The following VWA8 variants were observed in gnomAD, a reference collection of about 807,000 sequenced individuals.
The protein encoded by VWA8 is von Willebrand factor A domain containing 8.
Under a neutral mutation model 241.5 loss-of-function variants are expected in VWA8, and 221 were observed. The observed-to-expected ratio is 0.91, with a 90% CI of 0.82 to 1.02. The LOEUF (loss-of-function observed/expected upper bound fraction) is 1.02. Among genes scored for constraint, VWA8 ranks in the 50% least tolerant of loss-of-function variants. The probability of loss-of-function intolerance (pLI) is 0.00; values close to 1 mark genes in which losing one functional copy is unlikely to be tolerated. For missense variants in VWA8, 2,322 were observed against 2,328.7 expected (o/e 1.00, Z 0.06); for synonymous variants, 852 against 827.1 (o/e 1.03, Z -0.52).
intron 35 of VWA8, among the ~76,000 whole-genome samples, chr13:41,679,801 A>C (rs2137806883): frequency 6.6e-6 from 1 of 152,290 alleles, no homozygotes; most frequent in East Asian, 1.9e-4. Context: ...ACATAGAATT[A>C]AGTATCAAAA....
intron 20 of VWA8, among the ~76,000 whole-genome samples, chr13:41,764,171 A>G (rs1334680375): frequency 6.6e-6 from 1 of 152,200 alleles, no homozygotes. Flanking sequence ...CAGCTGCTCA[A>G]TAAAAGAATG....
In VWA8 at chr13:41,691,986, G is replaced by A. The variant is rs761136345; in HGVS notation, c.3676-48C>T. On this transcript the variant is annotated intron_variant, in intron 30 of 44. Transcript: ENST00000379310. Reference sequence around the variant, plus strand: ...ATTCATATTAAATGTGTCAGATACAGTCATGTCCCTCTTTAGCTACTTCCC... The same window carrying A: ...ATTCATATTAAATGTGTCAGATACAATCATGTCCCTCTTTAGCTACTTCCC... 15 of 1,273,724 alleles carry A rather than the reference G, an allele frequency of 1.2e-5. No individual in the cohort carries two copies. In the African/African-American group the frequency reaches 2.2e-4, roughly 19 times the overall value. The allele number at this position is 1,273,724 out of a possible 1,614,324, so 78.9% of individuals were successfully genotyped here. A position where few individuals can be genotyped will look rare whatever the true frequency, so the allele number is the denominator to read the frequency against.
chr13:41,816,709 G>A lies in VWA8; in HGVS notation c.1936C>T (p.Gln646Ter), dbSNP rs1343601617. 2 of 1,613,490 alleles carry A rather than the reference G, an allele frequency of 1.2e-6. No individual in the cohort carries two copies. Among genetic ancestry groups the A allele is most frequent in the Non-Finnish European group, 1.7e-6 (2 of 1,179,656 alleles). ...AAGCCTAGACTTACCGTTGGATCCT[G>A]TGTTTCTCTGAGTTTGTGTGTAAAT... ...LSFTHKLRETQDPTAQSLAAS... is the reference protein window; with the variant it reads ...LSFTHKLRET The change falls in exon 16 of 45, where the codon CAG becomes TAG. Residue 646 changes from glutamine (Q) to a stop codon, truncating the protein, a stop_gained. Coordinates refer to ENST00000379310, the MANE Select transcript of VWA8 (RefSeq NM_015058.2). LOFTEE classifies it high-confidence loss of function.
At chr13:41,760,147 C>T (rs2045729187) in intron 21 of VWA8, among the ~76,000 whole-genome samples, 1 of 151,756 alleles carries the variant, frequency 6.6e-6, no homozygotes, top group South Asian at 2.1e-4. Flanking sequence ...AGTTGTTCAG[C>T]TCAAAGATCC....
chr13:41,749,052 A>G (rs1444860929), intron 21 of VWA8, among the ~76,000 whole-genome samples: 1 of 152,222 alleles, frequency 6.6e-6, no homozygotes, highest in Non-Finnish European at 1.5e-5. Context: ...AAAAGAAACT[A>G]CCATCAGAGT....
At chr13:41,781,440 G>T (rs1159153939) in intron 19 of VWA8, among the ~76,000 whole-genome samples, 1 of 152,040 alleles carries the variant, frequency 6.6e-6, no homozygotes, top group African/African-American at 2.4e-5. Flanking sequence ...CCTCATCAAT[G>T]CCACCATAAG....
intron 29 of VWA8, among the ~76,000 whole-genome samples, chr13:41,694,745 C>T (rs1488707649): frequency 1.3e-5 from 2 of 151,916 alleles, no homozygotes; most frequent in East Asian, 1.9e-4. Flanking sequence ...ATGTTTCATG[C>T]CCAAAAATGA....
At chr13:41,882,341 C>A (rs1362730204) in intron 9 of VWA8, among the ~76,000 whole-genome samples, 1 of 151,236 alleles carries the variant, frequency 6.6e-6, no homozygotes, top group African/African-American at 2.4e-5. Flanking sequence ...GGCAGAGGGG[C>A]TCCTCACGTC....
chr13:41,594,124 GTT>G (rs56659715), intron 40 of VWA8, among the ~76,000 whole-genome samples: 2 of 143,364 alleles, frequency 1.4e-5, no homozygotes. Flanking sequence ...TGTAATTTTT[GTT>G]TTTTTTTTTT....
At chr13:41,713,745 G>A (rs1328379572) in intron 26 of VWA8, among the ~76,000 whole-genome samples, 1 of 152,094 alleles carries the variant, frequency 6.6e-6, no homozygotes, top group East Asian at 1.9e-4. Flanking sequence ...TAATCCTGAT[G>A]AGAACATCTC....
At chr13:41,790,569 G>A (rs1368330837) in intron 17 of VWA8, among the ~76,000 whole-genome samples, 1 of 151,892 alleles carries the variant, frequency 6.6e-6, no homozygotes, top group Non-Finnish European at 1.5e-5. Context: ...AAATTTCTGT[G>A]CTAAAGGATC....
intron 2 of VWA8, among the ~76,000 whole-genome samples, chr13:41,931,293 A>C (rs1221489571): frequency 4.8e-5 from 7 of 146,694 alleles, no homozygotes; most frequent in Non-Finnish European, 1.1e-4. Flanking sequence ...AAAAAAAAAA[A>C]AAAAAAAAAA....
At chr13:41,798,433 T>G (rs1238496905) in intron 17 of VWA8, among the ~76,000 whole-genome samples, 1 of 152,194 alleles carries the variant, frequency 6.6e-6, no homozygotes, top group African/African-American at 2.4e-5. Context: ...AGGCAAAGAC[T>G]TCTGGCATTG....
chr13:41,866,502 T>C (rs752237525), intron 10 of VWA8, among the ~76,000 whole-genome samples: 13 of 151,994 alleles, frequency 8.6e-5, no homozygotes, highest in Non-Finnish European at 1.6e-4. Flanking sequence ...ACTAATAGCT[T>C]GCTCAATTTA....
rs374889306 is a variant in VWA8 at position 41,608,713 on chromosome 13, C to T, written c.4877+2863G>A. ...CTCCACAGCTGGTGCCTACCCTAGACGCTTTTCTAAGTGTGTACATGTACC... is the reference window on the plus strand; with the variant it reads ...CTCCACAGCTGGTGCCTACCCTAGATGCTTTTCTAAGTGTGTACATGTACC... On this transcript the variant is annotated intron_variant, in intron 39 of 44. Coordinates refer to ENST00000379310, the MANE Select transcript of VWA8 (RefSeq NM_015058.2). Among the ~76,000 whole-genome samples, 29 of 152,262 alleles carry T rather than the reference C, an allele frequency of 1.9e-4. 1 individual carries two copies. The highest frequency in any genetic ancestry group is 4.8e-4 in the African/African-American group (20 of 41,582).
intron 43 of VWA8, among the ~76,000 whole-genome samples, chr13:41,573,343 GGGA>G (rs2044323312): frequency 2.0e-5 from 3 of 150,470 alleles, no homozygotes; most frequent in Admixed American, 1.3e-4. Flanking sequence ...GCTTGAACCC[GGGA>G]GGAGGAGGTC....
intron 37 of VWA8, among the ~76,000 whole-genome samples, chr13:41,655,504 A>G (rs2044898276): frequency 1.3e-5 from 2 of 152,082 alleles, no homozygotes; most frequent in Non-Finnish European, 2.9e-5. Flanking sequence ...AGAGAGAGAG[A>G]GAGAGAGAGA....
intron 13 of VWA8, among the ~76,000 whole-genome samples, chr13:41,831,622 T>TTTG (rs1871461738): frequency 2.4e-5 from 2 of 84,688 alleles, no homozygotes; most frequent in Non-Finnish European, 6.4e-5. Flanking sequence ...AGTTTTTTTT[T>TTTG]TTTTTTTTTT....
At chr13:41,634,427 A>T (rs1254191264) in intron 37 of VWA8, among the ~76,000 whole-genome samples, 1 of 152,136 alleles carries the variant, frequency 6.6e-6, no homozygotes, top group Non-Finnish European at 1.5e-5. Flanking sequence ...TTTATACCCA[A>T]TTTTTGACGT....
Sources: allele counts gnomAD v4.1 joint callset (sites outside exome capture counted in the v4.1 genomes callset), GRCh38; gene constraint gnomAD v4.1.1; transcripts MANE v1.5; gene names NCBI Gene and HGNC (gene_info 2026-07-23, HGNC 2026-07-21).